CD72: variants seen among roughly 807,000 people sequenced by gnomAD.
CD72 encodes the protein B-cell differentiation antigen CD72.
A neutral mutation model predicts 50.7 loss-of-function variants in CD72; 28 were observed. The ratio of observed to expected loss-of-function variants is 0.55; its 90% CI spans 0.41 to 0.76. CD72 has a LOEUF of 0.76. Among genes scored for constraint, CD72 ranks in the 30% least tolerant of loss-of-function variants. The pLI, the probability that CD72 is intolerant of heterozygous loss-of-function variation, is 0.00. For missense variants in CD72, 403 were observed against 420.6 expected, an observed-to-expected ratio of 0.96 and a Z score of 0.37; for synonymous variants, 176 against 171.2, an observed-to-expected ratio of 1.03 and a Z score of -0.22.
intron 1 of CD72, among the ~76,000 whole-genome samples, chr9:35,632,300 G>A (rs1823252967): frequency 6.7e-6 from 1 of 149,572 alleles, no homozygotes; most frequent in African/African-American, 2.5e-5. Flanking sequence ...TCAGCCTCCC[G>A]AGTAGCTGGG....
In CD72 at chr9:35,613,002, CAGAA is replaced by C; in HGVS notation, c.689-13_689-10del. 4.4e-6 allele frequency: 7 copies of C among 1,604,238 alleles called. No individual in the cohort carries two copies. Among genetic ancestry groups the C allele is most frequent in the South Asian group, 1.1e-5 (1 of 89,824 alleles). ...CGACGGACAGCAGGTGTCTAAAAAG[CAGAA>C]AGAGTGTGATAGCAGCAACAGTTGG... On this transcript the variant is annotated splice_polypyrimidine_tract_variant and intron_variant, in intron 5 of 8. Transcript: ENST00000259633.
rs181880537 is a variant in CD72 at position 35,611,971 on chromosome 9, T to C, written c.835-52A>G. On this transcript the variant is annotated intron_variant, in intron 6 of 8. Coordinates refer to ENST00000259633, the MANE Select transcript of CD72 (RefSeq NM_001782.3). ...GATACATGGAGAGTGATGAGAAATA[T>C]GGAAGAAAATGCACACCCTAGGGAG... is the stretch of plus-strand genomic sequence containing the variant. The C allele has an allele frequency of 2.1e-4, 203 of 973,824 alleles. 1 individual carries two copies. The African/African-American group carries it at 2.6e-3, about 13-fold the overall frequency. The allele number at this position is 973,824 out of a possible 1,614,324, so 60.3% of individuals were successfully genotyped here.
chr9:35,613,683 C>T (rs1823021990), intron 5 of CD72, among the ~76,000 whole-genome samples: 2 of 152,164 alleles, frequency 1.3e-5, no homozygotes, highest in Non-Finnish European at 2.9e-5. Context: ...CCTTGAGCTA[C>T]TGTCCTATGG....
At chr9:35,633,161 C>T (rs1259909108) in intron 1 of CD72, among the ~76,000 whole-genome samples, 1 of 149,338 alleles carries the variant, frequency 6.7e-6, no homozygotes, top group Non-Finnish European at 1.5e-5. Context: ...AGGCTGGTTT[C>T]GAACTCCTAA....
intron 1 of CD72, among the ~76,000 whole-genome samples, chr9:35,641,129 G>A (rs1377545029): frequency 6.6e-6 from 1 of 152,182 alleles, no homozygotes; most frequent in African/African-American, 2.4e-5. Context: ...GATGACCGCT[G>A]TAACTGCTTC....
chr9:35,624,106 G>C (rs1438780199), upstream of CD72, among the ~76,000 whole-genome samples: 1 of 151,334 alleles, frequency 6.6e-6, no homozygotes, highest in East Asian at 1.9e-4. Flanking sequence ...CAGCTACTCG[G>C]GAGGCTGAGG....
chr9:35,616,163 AT>A lies in CD72; in HGVS notation c.467del (p.Asp156ValfsTer58). ...KITQLGQSAE[D>X]LQGSRRELAQ... ...CCAGCTCTCTCCTGGACCCCTGCAG[AT>A]CCTCTGCACTCTGTCCCAGCTGCGT... On this transcript the variant is annotated frameshift_variant, in exon 5 of 9. Transcript: ENST00000259633. LOFTEE classifies it high-confidence loss of function. 1 of 1,614,046 alleles carries A rather than the reference AT, an allele frequency of 6.2e-7. No homozygotes were observed. Among genetic ancestry groups the A allele is most frequent in the Non-Finnish European group, 8.5e-7 (1 of 1,180,022 alleles).
chr9:35,629,954 CACTG>C (rs1823228405), intron 1 of CD72, among the ~76,000 whole-genome samples: 1 of 152,026 alleles, frequency 6.6e-6, no homozygotes, highest in Non-Finnish European at 1.5e-5. Context: ...TGTTTTATTC[CACTG>C]ACTAATTTTT....
At chr9:35,626,405 G>T (rs1823197656) in intron 1 of CD72, among the ~76,000 whole-genome samples, 1 of 152,126 alleles carries the variant, frequency 6.6e-6, no homozygotes, top group Non-Finnish European at 1.5e-5. Flanking sequence ...AAAGAAAGTG[G>T]TTTCTTAAGA....
intron 2 of CD72, 36 bp from the exon 3 acceptor site, chr9:35,617,283 C>T: frequency 6.6e-7 from 1 of 1,521,428 alleles, no homozygotes; most frequent in Non-Finnish European, 8.8e-7. Flanking sequence ...GACCGGAAGC[C>T]CCGAGTGTTG....
upstream of CD72, chr9:35,618,453 G>A: frequency 1.3e-6 from 2 of 1,522,158 alleles, no homozygotes; most frequent in Non-Finnish European, 1.8e-6. Context: ...AGTCACAAAA[G>A]AGGAAGGTGT....
Position 35,639,823 on chromosome 9 carries a change from AAG to A in CD72, n.408+6578_408+6579del, listed in dbSNP as rs368592918. ...CATGCTGGCTGGGGAAAGGGAAACT[AAG>A]AGTAAAAACCAACCAGTTGTTACTT... On this transcript the variant is annotated intron_variant and non_coding_transcript_variant, in intron 1 of 3. Transcript: ENST00000465754. 1.3e-3 allele frequency among the ~76,000 whole-genome samples: 203 copies of A among 152,342 alleles called. 2 individuals are homozygous for A. Among genetic ancestry groups the A allele is most frequent in the Admixed American group, 0.01 (160 of 15,308 alleles).
intron 1 of CD72, among the ~76,000 whole-genome samples, chr9:35,624,569 C>T (rs886618354): frequency 6.6e-6 from 1 of 152,138 alleles, no homozygotes; most frequent in Non-Finnish European, 1.5e-5. Context: ...ACCTGATTGC[C>T]TGATTATCAT....
At chr9:35,637,332 C>T (rs1427431163) in intron 1 of CD72, among the ~76,000 whole-genome samples, 3 of 152,232 alleles carry the variant, frequency 2.0e-5, no homozygotes, top group East Asian at 1.9e-4. Flanking sequence ...TTCACACAGA[C>T]GTGCATGGCA....
intron 3 of CD72, 127 bp from the exon 4 acceptor site, chr9:35,616,816 G>A: frequency 9.9e-7 from 1 of 1,008,046 alleles, no homozygotes; most frequent in Non-Finnish European, 1.5e-6. Context: ...CAGAGCTGAG[G>A]GGGCAAGCAT....
intron 1 of CD72, among the ~76,000 whole-genome samples, chr9:35,627,498 T>C (rs1285385886): frequency 6.6e-6 from 1 of 152,110 alleles, no homozygotes; most frequent in Admixed American, 6.5e-5. Context: ...ATCTCAAACC[T>C]GAACCCACAA....
At position 35,612,892 on chromosome 9, in the gene CD72, G is replaced by T; in HGVS notation, c.790C>A (p.Leu264Met). Reference protein sequence around the residue: ...WQESQKQCETLSSKLATFSEI... With the variant: ...WQESQKQCETMSSKLATFSEI... Reference sequence around the variant, plus strand: ...CTGAATGTGGCCAGCTTGGAAGACAGAGTTTCACATTGTTTTTGGCTCTCC... The same window carrying T: ...CTGAATGTGGCCAGCTTGGAAGACATAGTTTCACATTGTTTTTGGCTCTCC... Residue 264 changes from leucine to methionine, a missense_variant, in exon 6 of 9, where the codon CTG becomes ATG. Coordinates refer to ENST00000259633, the MANE Select transcript of CD72 (RefSeq NM_001782.3). 6.2e-7 allele frequency: 1 copy of T among 1,614,192 alleles called. No homozygotes were observed. Among genetic ancestry groups the T allele is most frequent in the Non-Finnish European group, 8.5e-7 (1 of 1,180,022 alleles).
chr9:35,616,137 G>A lies in CD72; in HGVS notation c.494C>T (p.Ala165Val), dbSNP rs535216398. 8 of 1,614,038 alleles carry A rather than the reference G, an allele frequency of 5.0e-6. No homozygotes were observed. Among genetic ancestry groups the A allele is most frequent in the South Asian group, 3.3e-5 (3 of 91,070 alleles). The change falls in exon 5 of 9, where the codon GCG (alanine) becomes GTG (valine). Residue 165 changes from alanine (A) to valine (V), a missense_variant. By Grantham distance (64) the Ala-to-Val change is moderately conservative. Coordinates refer to ENST00000259633, the MANE Select transcript of CD72 (RefSeq NM_001782.3). ...EDLQGSRREL[A>V]QSQEALQVEQ... ...CACCTGTAGTGCTTCCTGACTCTGC[G>A]CCAGCTCTCTCCTGGACCCCTGCAG...
At chr9:35,625,085 T>C (rs7028173) in intron 1 of CD72, among the ~76,000 whole-genome samples, 8,015 of 152,238 alleles carry the variant, frequency 0.053, 273 homozygotes, top group African/African-American at 0.096. Flanking sequence ...ATCTCTCACT[T>C]TACATCAAAA....
Sources: gnomAD v4.1 joint callset for allele counts (sites outside exome capture counted in the v4.1 genomes callset) on GRCh38, gnomAD v4.1.1 for gene constraint, MANE v1.5 for transcripts, NCBI Gene and HGNC (gene_info 2026-07-23, HGNC 2026-07-21) for gene names.